Variants in MICU1 observed in about 807,000 individuals in gnomAD.
MICU1 encodes mitochondrial calcium uptake 1.
In MICU1, 45 loss-of-function variants were observed where a neutral mutation model predicts 56.8. That is an observed-to-expected ratio of 0.79 (90% CI 0.62 to 1.02). The LOEUF (loss-of-function observed/expected upper bound fraction) is 1.02. Among genes scored for constraint, MICU1 ranks in the 50% least tolerant of loss-of-function variants. The pLI, the probability that MICU1 is intolerant of heterozygous loss-of-function variation, is 0.00. For missense variants in MICU1, 504 were observed against 587.1 expected (o/e 0.86, Z 1.46); for synonymous variants, 186 against 195.1 (o/e 0.95, Z 0.39).
intron 10 of MICU1, among the ~76,000 whole-genome samples, chr10:72,397,430 C>T (rs1863306426): frequency 6.6e-6 from 1 of 152,128 alleles, no homozygotes; most frequent in Non-Finnish European, 1.5e-5. Flanking sequence ...TCACACATAG[C>T]AATATTAACC....
At chr10:72,391,625 G>T (rs916949684) in intron 10 of MICU1, among the ~76,000 whole-genome samples, 1 of 151,876 alleles carries the variant, frequency 6.6e-6, no homozygotes, top group African/African-American at 2.4e-5. Context: ...AACAACACAG[G>T]CTTGAACTGC....
chr10:72,477,619 T>A, intron 6 of MICU1: 1 of 1,360,664 alleles, frequency 7.3e-7, no homozygotes. Context: ...CAAGAAAGTA[T>A]GTCTAGGGTG....
intron 10 of MICU1, 34 bp from the exon 11 acceptor site, chr10:72,375,906 AG>A (rs1423601598): frequency 9.0e-6 from 14 of 1,560,216 alleles, no homozygotes; most frequent in Non-Finnish European, 1.1e-5. Flanking sequence ...AGCACAGCAG[AG>A]GGATTTTCAT....
intron 1 of MICU1, among the ~76,000 whole-genome samples, chr10:72,568,436 G>A (rs1589350191): frequency 6.6e-6 from 1 of 152,126 alleles, no homozygotes; most frequent in Non-Finnish European, 1.5e-5. Flanking sequence ...CCAATGGAAT[G>A]TGGACCAGTT....
At chr10:72,538,119 A>C (rs988735442) in intron 4 of MICU1, among the ~76,000 whole-genome samples, 2 of 152,088 alleles carry the variant, frequency 1.3e-5, no homozygotes, top group African/African-American at 2.4e-5. Context: ...GTATTACAAT[A>C]ATCAGATTAT....
At chr10:72,389,012 C>T (rs60453516) in intron 10 of MICU1, among the ~76,000 whole-genome samples, 6,705 of 152,280 alleles carry the variant, frequency 0.044, 392 homozygotes, top group African/African-American at 0.13. Flanking sequence ...AAAGCGATAA[C>T]ATGCATAAAG....
intron 8 of MICU1, among the ~76,000 whole-genome samples, chr10:72,457,422 T>A (rs1865508049): frequency 6.6e-6 from 1 of 151,074 alleles, no homozygotes; most frequent in South Asian, 2.1e-4. Flanking sequence ...GGTCTCACTA[T>A]GTTGCCCAGG....
intron 1 of MICU1, among the ~76,000 whole-genome samples, chr10:72,588,615 A>T (rs1841133652): frequency 6.6e-6 from 1 of 152,248 alleles, no homozygotes; most frequent in Non-Finnish European, 1.5e-5. Flanking sequence ...AAGAGGAAGT[A>T]AAACTATTTC....
intron 6 of MICU1, among the ~76,000 whole-genome samples, chr10:72,480,853 A>G (rs1047248005): frequency 5.9e-5 from 9 of 152,236 alleles, no homozygotes; most frequent in African/African-American, 1.9e-4. Flanking sequence ...TTATTCTAGC[A>G]TATTATGGTT....
At chr10:72,477,077 C>A in intron 7 of MICU1, 97 bp downstream of exon 7, 2 of 829,054 alleles carry the variant, frequency 2.4e-6, no homozygotes. Flanking sequence ...TTGGAATAGC[C>A]TCTGAGTATA....
At chr10:72,523,981 A>G in intron 5 of MICU1, 1 of 1,286,382 alleles carries the variant, frequency 7.8e-7, no homozygotes, top group Non-Finnish European at 9.8e-7. Context: ...TTACTGAGCA[A>G]AGTGCAACCA....
intron 1 of MICU1, among the ~76,000 whole-genome samples, chr10:72,611,651 G>A (rs1253283096): frequency 6.6e-6 from 1 of 151,708 alleles, no homozygotes; most frequent in African/African-American, 2.4e-5. Flanking sequence ...AAGAAAGAAA[G>A]AAAAAAACCC....
At position 72,367,614 on chromosome 10, in the gene MICU1, A is replaced by G. The variant is rs1407143554; in HGVS notation, c.*581T>C. On this transcript the variant is annotated 3_prime_UTR_variant, in exon 12 of 12. Coordinates refer to ENST00000361114, the MANE Select transcript of MICU1 (RefSeq NM_001195518.2). ...TCTGAATCTTGCTGTGTTCCCACTG[A>G]GCATGCTGCCTTCCTAGAGCAGGCC... The G allele has an allele frequency of 6.5e-6, 1 of 152,910 alleles. No individual in the cohort carries two copies. The highest frequency in any genetic ancestry group is 1.5e-5 in the Non-Finnish European group (1 of 68,514). 9.5% of individuals were successfully genotyped at this position (152,910 alleles called of 1,614,324 possible).
In MICU1 at chr10:72,412,754, G is replaced by C. The variant is rs548223461; in HGVS notation, c.1072-4717C>G. On this transcript the variant is annotated intron_variant, in intron 9 of 11. Coordinates refer to ENST00000361114, the MANE Select transcript of MICU1 (RefSeq NM_001195518.2). Reference sequence around the variant, plus strand: ...TAATCCCAGCTACTCAGGAGGCCGAGGCAGGGGAATTGCTTGAACCTGGGA... The same window carrying C: ...TAATCCCAGCTACTCAGGAGGCCGACGCAGGGGAATTGCTTGAACCTGGGA... Among the ~76,000 whole-genome samples the C allele has an allele frequency of 3.2e-4, 48 of 152,058 alleles. No individual in the cohort carries two copies. The South Asian group carries it at 9.1e-3, about 29-fold the overall frequency.
At chr10:72,582,784 A>AC (rs1410362998) in intron 1 of MICU1, 1 of 22,102 alleles carries the variant, frequency 4.5e-5, no homozygotes, top group Non-Finnish European at 1.5e-4. Flanking sequence ...ACCTTGTCTC[A>AC]AAAAAAAAAA....
At chr10:72,495,865 C>A (rs907816404) in intron 6 of MICU1, among the ~76,000 whole-genome samples, 8 of 152,060 alleles carry the variant, frequency 5.3e-5, no homozygotes, top group African/African-American at 1.9e-4. Context: ...TAGAAAATAA[C>A]TGGTCCCTTA....
intron 8 of MICU1, among the ~76,000 whole-genome samples, chr10:72,473,726 T>C (rs930028777): frequency 1.3e-5 from 2 of 152,040 alleles, no homozygotes; most frequent in Admixed American, 6.6e-5. Context: ...ATCAATTTGT[T>C]CCCGCTCATC....
intron 1 of MICU1, among the ~76,000 whole-genome samples, chr10:72,594,735 C>CA (rs1227031367): frequency 6.6e-6 from 1 of 151,700 alleles, no homozygotes; most frequent in East Asian, 1.9e-4. Flanking sequence ...CCTGTCTCTA[C>CA]AAAAAATGTT....
At chr10:72,595,232 A>C (rs1254019037) in intron 1 of MICU1, among the ~76,000 whole-genome samples, 1 of 107,800 alleles carries the variant, frequency 9.3e-6, no homozygotes, top group Non-Finnish European at 2.8e-5. Context: ...CAGGCAGATC[A>C]CTTAAGGTTA....
Sources: allele counts gnomAD v4.1 joint callset (sites outside exome capture counted in the v4.1 genomes callset), GRCh38; gene constraint gnomAD v4.1.1; transcripts MANE v1.5; gene names NCBI Gene and HGNC (gene_info 2026-07-23, HGNC 2026-07-21).